TMEM231: variants seen among roughly 807,000 people sequenced by gnomAD.
TMEM231 encodes transmembrane protein 231.
TMEM231 carries 40 observed loss-of-function variants against 38.5 expected under a neutral mutation model. The observed-to-expected ratio is 1.04, with a 90% CI of 0.81 to 1.35. The LOEUF (loss-of-function observed/expected upper bound fraction) is 1.35. Ranked by LOEUF, TMEM231 falls within the 40% of genes most tolerant of loss-of-function variation. The probability of loss-of-function intolerance (pLI) is 0.00; values close to 1 mark genes in which losing one functional copy is unlikely to be tolerated. For missense variants in TMEM231, 420 were observed against 416.9 expected (o/e 1.01, Z -0.07); for synonymous variants, 199 against 181.7 (o/e 1.10, Z -0.77).
At position 75,556,193 on chromosome 16, in the gene TMEM231, A is replaced by G; in HGVS notation, c.17T>C (p.Leu6Pro). Residue 6 changes from leucine to proline, a missense_variant, in exon 1 of 7, where the codon CTC becomes CCC. Transcript: ENST00000258173. Reference sequence around the variant, plus strand: ...ACTGCGCTCGACCGGGTGAGAGAAGAGCTCATAGAGCGCCATGAGCACCGC... The same window carrying G: ...ACTGCGCTCGACCGGGTGAGAGAAGGGCTCATAGAGCGCCATGAGCACCGC... MALYELFSHPVERSYR... is the reference protein window; with the variant it reads MALYEPFSHPVERSYR... 6.7e-7 allele frequency: 1 copy of G among 1,483,908 alleles called. No homozygotes were observed. The highest frequency in any genetic ancestry group is 1.4e-5 in the South Asian group (1 of 73,562). 91.9% of individuals were successfully genotyped at this position (1,483,908 alleles called of 1,614,324 possible).
chr16:75,549,115 C>A (rs2080726745), intron 2 of TMEM231, among the ~76,000 whole-genome samples: 1 of 152,136 alleles, frequency 6.6e-6, no homozygotes, highest in South Asian at 2.1e-4. Context: ...AAGGATGTGT[C>A]TCCCACAAAT....
At position 75,541,361 on chromosome 16, in the gene TMEM231, C is replaced by T. The variant is rs1020757759; in HGVS notation, c.759G>A (p.Val253=). The change falls in exon 6 of 7, where the codon GTG becomes GTA. Residue 253 remains valine, a synonymous_variant. Transcript: ENST00000258173. ...AACAGAAAGGATATGAAATGACTTCCACAGGGTATCGGATGATAGCATTAA... is the reference window on the plus strand; with the variant it reads ...AACAGAAAGGATATGAAATGACTTCTACAGGGTATCGGATGATAGCATTAA... The part of the protein sequence containing the change: ...FVINAIIRYP[V]EVISYQPGFW... The T allele has an allele frequency of 1.2e-5, 20 of 1,607,810 alleles. No individual in the cohort carries two copies. The Admixed American group carries it at 2.2e-4, about 18-fold the overall frequency.
Position 75,538,499 on chromosome 16 carries a change from T to C in TMEM231, c.*1495A>G, listed in dbSNP as rs2080583817. On this transcript the variant is annotated 3_prime_UTR_variant, in exon 7 of 7. Coordinates refer to ENST00000258173, the MANE Select transcript of TMEM231 (RefSeq NM_001077418.3). ...ATCTTAAGAAAAAAATTTAGGCATA[T>C]AAAACAGCCTGAATATTAAAAAAAG... 6.6e-6 allele frequency: 1 copy of C among 152,134 alleles called. No individual in the cohort carries two copies. The highest frequency in any genetic ancestry group is 2.1e-4 in the South Asian group (1 of 4,818). 9.4% of individuals were successfully genotyped at this position (152,134 alleles called of 1,614,324 possible).
At chr16:75,554,564 GA>G (rs2080791926) in intron 2 of TMEM231, among the ~76,000 whole-genome samples, 1 of 132,722 alleles carries the variant, frequency 7.5e-6, no homozygotes, top group African/African-American at 3.0e-5. Context: ...AAAAAAAAAA[GA>G]AAAGAAAAGA....
chr16:75,551,894 G>A lies in TMEM231; in HGVS notation c.309+3910C>T, dbSNP rs147382830. Among the ~76,000 whole-genome samples the A allele has an allele frequency of 3.3e-3, 506 of 151,810 alleles. 1 individual carries two copies. Among genetic ancestry groups the A allele is most frequent in the African/African-American group, 0.012 (477 of 41,418 alleles). The stretch of plus-strand genomic sequence containing the variant: ...GGAGAATCGCTTGAACCCAGGAGGC[G>A]GAGGTTGCAGTGAGAAGAGATTGCG... On this transcript the variant is annotated intron_variant, in intron 2 of 6. Coordinates refer to ENST00000258173, the MANE Select transcript of TMEM231 (RefSeq NM_001077418.3).
At chr16:75,549,369 C>G (rs995119452) in intron 2 of TMEM231, among the ~76,000 whole-genome samples, 1 of 152,192 alleles carries the variant, frequency 6.6e-6, no homozygotes, top group Admixed American at 6.5e-5. Context: ...CATATCACAC[C>G]ACCACCTTAT....
At chr16:75,541,004 A>G (rs1485246460) in intron 6 of TMEM231, among the ~76,000 whole-genome samples, 1 of 151,770 alleles carries the variant, frequency 6.6e-6, no homozygotes, top group Non-Finnish European at 1.5e-5. Context: ...GCTACCATTG[A>G]TTTTTTTTAA....
At chr16:75,541,310 A>C in intron 6 of TMEM231, 40 bp downstream of exon 6, 1 of 1,462,326 alleles carries the variant, frequency 6.8e-7, no homozygotes, top group Non-Finnish European at 9.4e-7. Flanking sequence ...AGGAGCCACC[A>C]CATCCAGCCT....
chr16:75,542,546 C>T lies in TMEM231; in HGVS notation c.664+56G>A, dbSNP rs1400239620. The T allele has an allele frequency of 3.5e-6, 5 of 1,444,658 alleles. No individual in the cohort carries two copies. The African/African-American group carries it at 4.2e-5, about 12-fold the overall frequency. 89.5% of individuals were successfully genotyped at this position (1,444,658 alleles called of 1,614,324 possible). On this transcript the variant is annotated intron_variant, in intron 5 of 6. Coordinates refer to ENST00000258173, the MANE Select transcript of TMEM231 (RefSeq NM_001077418.3). ...TCCAGTTCTGCTTGTCTCTGTTGCC[C>T]CCACTAACCTTGAAAGTCCTGAGCA...
chr16:75,556,159 C>T lies in TMEM231; in HGVS notation c.51G>A (p.Ala17=), dbSNP rs770637325. The change falls in exon 1 of 7, where the codon GCG becomes GCA. Residue 17 remains alanine, a synonymous_variant. Coordinates refer to ENST00000258173, the MANE Select transcript of TMEM231 (RefSeq NM_001077418.3). ...ACAGCGCGGCTTTGGAGCAGAGCCC[C>T]GCGCGGTAACTGCGCTCGACCGGGT... ...FSHPVERSYR[A]GLCSKAALFL... The T allele has an allele frequency of 2.0e-5, 31 of 1,553,256 alleles. No individual in the cohort carries two copies. Among genetic ancestry groups the T allele is most frequent in the Non-Finnish European group, 2.6e-5 (30 of 1,152,856 alleles).
chr16:75,546,165 T>G, intron 2 of TMEM231: 1 of 1,468,980 alleles, frequency 6.8e-7, no homozygotes. Flanking sequence ...ATCTGGGCCT[T>G]TCAAATGTTC....
Position 75,555,876 on chromosome 16 carries a change from C to T in TMEM231, c.237G>A (p.Gly79=). Residue 79 remains glycine, a synonymous_variant, in exon 2 of 7, where the codon GGG becomes GGA. Transcript: ENST00000258173. ...LVALLGPESD[G]FLAWSTFPAF... is the part of the protein sequence containing the mutation. ...CGGGGAACGTGCTCCAGGCGAGGAA[C>T]CCGTCGCTTTCGGGTCCGAGCAGGG... 6.3e-7 allele frequency: 1 copy of T among 1,592,722 alleles called. No individual in the cohort carries two copies.
At position 75,536,951 on chromosome 16, in the gene TMEM231, G is replaced by A. The variant is rs1261709658; in HGVS notation, c.*3043C>T. The A allele has an allele frequency of 6.6e-6, 1 of 152,030 alleles. No individual in the cohort carries two copies. The highest frequency in any genetic ancestry group is 1.5e-5 in the Non-Finnish European group (1 of 68,030). The allele number at this position is 152,030 out of a possible 1,614,324, so 9.4% of individuals were successfully genotyped here. On this transcript the variant is annotated 3_prime_UTR_variant, in exon 7 of 7. Coordinates refer to ENST00000258173, the MANE Select transcript of TMEM231 (RefSeq NM_001077418.3). ...AGCCTGACCACCAGGGTGAAGCCCT[G>A]TCTCTACTAAAAACACAAAAATTAG...
rs892325806 is a variant in TMEM231, at chr16:75,536,771, G to C, written c.*3223C>G. ...TCTACACAAGGTTTATAAAAGTGTT[G>C]TTTGTGATACTAAAAAGGTTACATA... is the stretch of plus-strand genomic sequence containing the variant. On this transcript the variant is annotated 3_prime_UTR_variant, in exon 7 of 7. Transcript: ENST00000258173. The C allele has an allele frequency of 6.6e-6, 1 of 152,172 alleles. No individual in the cohort carries two copies. The highest frequency in any genetic ancestry group is 2.4e-5 in the African/African-American group (1 of 41,440). The allele number at this position is 152,172 out of a possible 1,614,324, so 9.4% of individuals were successfully genotyped here.
At chr16:75,544,029 G>A (rs1199208028) in intron 4 of TMEM231, among the ~76,000 whole-genome samples, 1 of 152,226 alleles carries the variant, frequency 6.6e-6, no homozygotes, top group African/African-American at 2.4e-5. Context: ...TCTGCACACA[G>A]ACAGGCTCTG....
chr16:75,546,101 G>A, intron 2 of TMEM231, 147 bp from the exon 3 acceptor site: 5 of 1,542,566 alleles, frequency 3.2e-6, no homozygotes, highest in Non-Finnish European at 4.4e-6. Context: ...GCAGATAGAT[G>A]TAAGTGCATT....
intron 4 of TMEM231, among the ~76,000 whole-genome samples, chr16:75,544,014 T>A: frequency 6.6e-6 from 1 of 152,244 alleles, no homozygotes; most frequent in Non-Finnish European, 1.5e-5. Context: ...ATTAGATGCA[T>A]GAGTTCTGCA....
chr16:75,553,912 A>G (rs918026301), intron 2 of TMEM231, among the ~76,000 whole-genome samples: 2 of 152,130 alleles, frequency 1.3e-5, no homozygotes, highest in African/African-American at 4.8e-5. Flanking sequence ...TCAGTTTCTC[A>G]GTTTTAGGCA....
Position 75,556,087 on chromosome 16 carries a change from C to A in TMEM231, c.123G>T (p.Val41=). Residue 41 remains valine, a synonymous_variant, in exon 1 of 7, where the codon GTG becomes GTT. Coordinates refer to ENST00000258173, the MANE Select transcript of TMEM231 (RefSeq NM_001077418.3). ...CAGGCTCACCGTGGCTCCGGAAGGC[C>A]ACCAGCAGCGGCGGGATGTACGTGA... ...AALTYIPPLL[V]AFRSHGFWLK... is the part of the protein sequence containing the mutation. 6.4e-7 allele frequency: 1 copy of A among 1,569,372 alleles called. No individual in the cohort carries two copies. The highest frequency in any genetic ancestry group is 2.4e-5 in the East Asian group (1 of 41,974).
Sources: gnomAD v4.1 joint callset for allele counts (sites outside exome capture counted in the v4.1 genomes callset) on GRCh38, gnomAD v4.1.1 for gene constraint, MANE v1.5 for transcripts, NCBI Gene and HGNC (gene_info 2026-07-23, HGNC 2026-07-21) for gene names.